ABL2: variants seen among roughly 807,000 people sequenced by gnomAD.
ABL2 encodes the protein ABL proto-oncogene 2, non-receptor tyrosine kinase.
A neutral mutation model predicts 107.7 loss-of-function variants in ABL2; 49 were observed. The observed-to-expected ratio is 0.45, with a 90% CI of 0.36 to 0.58. The LOEUF (loss-of-function observed/expected upper bound fraction) is 0.58. Among genes scored for constraint, ABL2 ranks in the 20% least tolerant of loss-of-function variants. The pLI, the probability that ABL2 is intolerant of heterozygous loss-of-function variation, is 0.00. For missense variants in ABL2, 1,245 were observed against 1,457.0 expected (o/e 0.85, Z 2.37); for synonymous variants, 549 against 548.6 (o/e 1.00, Z -0.01).
At chr1:179,211,470 C>T (rs1435716971) in intron 1 of ABL2, among the ~76,000 whole-genome samples, 1 of 151,972 alleles carries the variant, frequency 6.6e-6, no homozygotes, top group Non-Finnish European at 1.5e-5. Flanking sequence ...TGCAGTGAGC[C>T]TGTACCACCG....
intron 1 of ABL2, among the ~76,000 whole-genome samples, chr1:179,183,263 A>T (rs1480547289): frequency 6.6e-6 from 1 of 152,100 alleles, no homozygotes; most frequent in Non-Finnish European, 1.5e-5. Flanking sequence ...AAATTACTTA[A>T]TGCGTACAAC....
chr1:179,185,909 G>C (rs1406270683), intron 1 of ABL2, among the ~76,000 whole-genome samples: 3 of 151,998 alleles, frequency 2.0e-5, no homozygotes, highest in African/African-American at 7.3e-5. Context: ...ATTTTAGGAA[G>C]CCTAGACAAG....
chr1:179,222,056 C>T (rs1267044056), intron 1 of ABL2: 2 of 194,918 alleles, frequency 1.0e-5, no homozygotes, highest in African/African-American at 2.4e-5. Flanking sequence ...TGATTGCAGC[C>T]CACGGCTTTT....
chr1:179,197,070 T>G (rs1661357062), intron 1 of ABL2, among the ~76,000 whole-genome samples: 1 of 152,034 alleles, frequency 6.6e-6, no homozygotes, highest in Non-Finnish European at 1.5e-5. Context: ...GAATAGAATG[T>G]CCAACATATC....
intron 7 of ABL2, 46 bp downstream of exon 7, chr1:179,118,541 T>C: frequency 1.3e-6 from 2 of 1,562,340 alleles, no homozygotes; most frequent in Non-Finnish European, 1.7e-6. Flanking sequence ...TATCTGCATG[T>C]CAAGCAAGAT....
At position 179,133,331 on chromosome 1, in the gene ABL2, C is replaced by A. The variant is rs776800830; in HGVS notation, c.201G>T (p.Lys67Asn). The A allele has an allele frequency of 6.8e-6, 11 of 1,614,142 alleles. No individual in the cohort carries two copies. In the South Asian group the frequency reaches 9.9e-5, roughly 14 times the overall value. ...TCTCACCTGGACTACTGCCTCCAGT[C>A]TTGTCTCCCTCAAATCCATCCTCCA... The part of the protein sequence containing the change: ...SCVEDGFEGD[K>N]TGGSSPEALH... Residue 67 changes from lysine (K) to asparagine (N), a missense_variant, in exon 2 of 12, where the codon AAG (lysine) becomes AAT (asparagine). Lys to Asn is a moderately conservative substitution (Grantham distance 94). Around this residue, in one of 3 missense-constraint regions of ABL2, gnomAD observed 164 missense variants for 143.7 expected, o/e 1.14. Transcript: ENST00000502732.
chr1:179,205,358 C>T (rs557740714), intron 1 of ABL2, among the ~76,000 whole-genome samples: 5 of 152,170 alleles, frequency 3.3e-5, no homozygotes, highest in African/African-American at 9.7e-5. Flanking sequence ...TTCCAGCTGC[C>T]CTCCCAGGCA....
At position 179,106,527 on chromosome 1, in the gene ABL2, G is replaced by A. The variant is rs564179242; in HGVS notation, c.*1191C>T. On this transcript the variant is annotated 3_prime_UTR_variant, in exon 12 of 12. Transcript: ENST00000502732. Reference sequence around the variant, plus strand: ...AATATGTGAGAGAAGAAAAGCATGTGAGAATAATGTGGGGGTGATTCACTT... The same window carrying A: ...AATATGTGAGAGAAGAAAAGCATGTAAGAATAATGTGGGGGTGATTCACTT... 8.6e-6 allele frequency: 2 copies of A among 233,130 alleles called. No homozygotes were observed. Among genetic ancestry groups the A allele is most frequent in the African/African-American group, 4.4e-5 (2 of 45,452 alleles). 14.4% of individuals were successfully genotyped at this position (233,130 alleles called of 1,614,324 possible). A position where few individuals can be genotyped will look rare whatever the true frequency, so the allele number is the denominator to read the frequency against.
chr1:179,169,614 A>C (rs1057225807), intron 1 of ABL2, among the ~76,000 whole-genome samples: 1 of 152,172 alleles, frequency 6.6e-6, no homozygotes, highest in East Asian at 1.9e-4. Flanking sequence ...GGGAAAGTCA[A>C]ATACAGGAAA....
At chr1:179,208,971 T>C (rs1159480659) in intron 1 of ABL2, among the ~76,000 whole-genome samples, 5 of 152,156 alleles carry the variant, frequency 3.3e-5, no homozygotes, top group Admixed American at 3.3e-4. Context: ...AAATAGGCAC[T>C]AACAAAAAAT....
chr1:179,133,369 A>G lies in ABL2; in HGVS notation c.163T>C (p.Phe55Leu). 1.2e-6 allele frequency: 2 copies of G among 1,614,146 alleles called. No homozygotes were observed. The highest frequency in any genetic ancestry group is 1.7e-6 in the Non-Finnish European group (2 of 1,180,028). Residue 55 changes from phenylalanine (F) to leucine (L), a missense_variant, in exon 2 of 12, where the codon TTT becomes CTT. Coordinates refer to ENST00000502732, the MANE Select transcript of ABL2 (RefSeq NM_007314.4). Reference sequence around the variant, plus strand: ...AATCCATCCTCCACACAGCTGGCAAAGTGATCTATTTAAGAAAAAAATTGA... The same window carrying G: ...AATCCATCCTCCACACAGCTGGCAAGGTGATCTATTTAAGAAAAAAATTGA... Reference protein sequence around the residue: ...GFNIFTQHDHFASCVEDGFEG... With the variant: ...GFNIFTQHDHLASCVEDGFEG...
chr1:179,101,996 C>CTTTTTTTTTTTTTTTTTTTTTTT lies in ABL2; in HGVS notation c.*5699_*5721dup, dbSNP rs869095809. 3 of 53,884 alleles carry CTTTTTTTTTTTTTTTTTTTTTTT rather than the reference C, an allele frequency of 5.6e-5. 1 individual carries two copies. The highest frequency in any genetic ancestry group is 9.6e-5 in the Non-Finnish European group (3 of 31,258). 3.3% of individuals were successfully genotyped at this position (53,884 alleles called of 1,614,324 possible). On this transcript the variant is annotated 3_prime_UTR_variant, in exon 12 of 12. Coordinates refer to ENST00000502732, the MANE Select transcript of ABL2 (RefSeq NM_007314.4). ...AAAAGCAAGCTTTGCATTAGAATTT[C>CTTTTTTTTTTTTTTTTTTTTTTT]TTTTTTTTTTTTTTTTTTTTTTTTT...
At chr1:179,185,472 G>T (rs573792858) in intron 1 of ABL2, among the ~76,000 whole-genome samples, 15 of 149,954 alleles carry the variant, frequency 1.0e-4, no homozygotes, top group African/African-American at 3.8e-4. Context: ...TGTTTCACTG[G>T]AAAGGAAAGA....
chr1:179,221,700 A>C (rs1662871599), intron 1 of ABL2: 1 of 229,198 alleles, frequency 4.4e-6, no homozygotes, highest in Admixed American at 4.9e-5. Flanking sequence ...CAATACTGGC[A>C]ATTTAGTGTA....
chr1:179,180,978 G>T (rs1299773772), intron 1 of ABL2, among the ~76,000 whole-genome samples: 1 of 152,122 alleles, frequency 6.6e-6, no homozygotes, highest in Non-Finnish European at 1.5e-5. Context: ...ATCCCAAATG[G>T]ACAACATCCA....
chr1:179,114,285 T>G (rs922533667), intron 9 of ABL2, among the ~76,000 whole-genome samples: 1 of 150,692 alleles, frequency 6.6e-6, no homozygotes, highest in Middle Eastern at 3.2e-3. Context: ...TGTGCGTGCC[T>G]GTGGTTCCAG....
intron 1 of ABL2, among the ~76,000 whole-genome samples, chr1:179,214,508 T>A: frequency 9.4e-6 from 1 of 106,920 alleles, no homozygotes; most frequent in Non-Finnish European, 1.9e-5. Context: ...GGAACAACAG[T>A]TTTAAAATGA....
intron 1 of ABL2, among the ~76,000 whole-genome samples, chr1:179,223,560 A>T (rs1663003156): frequency 6.6e-6 from 1 of 152,154 alleles, no homozygotes; most frequent in Non-Finnish European, 1.5e-5. Context: ...ACCACAACTT[A>T]TTACTTTGCT....
chr1:179,221,735 A>C (rs1255029884), intron 1 of ABL2: 1 of 235,564 alleles, frequency 4.2e-6, no homozygotes, highest in Admixed American at 4.5e-5. Context: ...TAAACCACTC[A>C]GAGAAGTTTT....
Sources: gnomAD v4.1 joint callset for allele counts (sites outside exome capture counted in the v4.1 genomes callset) on GRCh38, gnomAD v4.1.1 for gene constraint, gnomAD v4.1.1 regional missense constraint, MANE v1.5 for transcripts, NCBI Gene and HGNC (gene_info 2026-07-23, HGNC 2026-07-21) for gene names.